Variants in ATP6V0D2 observed in about 807,000 individuals in gnomAD.
ATP6V0D2 encodes the protein V-type proton ATPase subunit d 2.
Under a neutral mutation model 40.0 loss-of-function variants are expected in ATP6V0D2, and 40 were observed. The observed-to-expected ratio is 1.00, with a 90% CI of 0.78 to 1.30. The LOEUF (loss-of-function observed/expected upper bound fraction) is 1.30, where lower values mean the gene tolerates loss of function less well. Among genes scored for constraint, ATP6V0D2 ranks in the 50% most tolerant of loss-of-function variants. ATP6V0D2 has a pLI of 0.00. For missense variants in ATP6V0D2, 470 were observed against 423.1 expected, an observed-to-expected ratio of 1.11 and a Z score of -0.97; for synonymous variants, 179 against 156.3, an observed-to-expected ratio of 1.15 and a Z score of -1.08.
At chr8:86,121,744 C>T (rs1818673673) in intron 2 of ATP6V0D2, among the ~76,000 whole-genome samples, 1 of 102,602 alleles carries the variant, frequency 9.7e-6, no homozygotes. Context: ...GTATATCTTG[C>T]AAATTCGAGG....
At chr8:86,142,982 T>C (rs1412529160) in intron 5 of ATP6V0D2, 28 bp downstream of exon 5, 1 of 1,492,716 alleles carries the variant, frequency 6.7e-7, no homozygotes, top group East Asian at 2.3e-5. Context: ...AATTTTGTTA[T>C]GCTAAATAAG....
At chr8:86,136,537 CT>C (rs2130266738) in intron 2 of ATP6V0D2, among the ~76,000 whole-genome samples, 1 of 152,226 alleles carries the variant, frequency 6.6e-6, no homozygotes, top group South Asian at 2.1e-4. Context: ...ATTTTAATAT[CT>C]TTTTGAAGAG....
chr8:86,128,290 A>G (rs909495067), intron 2 of ATP6V0D2, among the ~76,000 whole-genome samples: 11 of 152,366 alleles, frequency 7.2e-5, no homozygotes, highest in Non-Finnish European at 7.4e-5. Flanking sequence ...TGGAGGTTGC[A>G]GTGAGCCAAG....
intron 2 of ATP6V0D2, among the ~76,000 whole-genome samples, chr8:86,120,088 A>G (rs964531677): frequency 3.3e-5 from 5 of 152,284 alleles, no homozygotes; most frequent in Admixed American, 3.3e-4. Context: ...CAGTGTTTTA[A>G]AAAATAACTT....
At chr8:86,142,257 A>C (rs551922091) in intron 4 of ATP6V0D2, among the ~76,000 whole-genome samples, 8 of 152,336 alleles carry the variant, frequency 5.3e-5, no homozygotes, top group Admixed American at 3.9e-4. Flanking sequence ...CATCCTTGAG[A>C]TATAACTAAC....
rs754919411 is a variant in ATP6V0D2 at position 86,152,942 on chromosome 8, C to T, written c.1018C>T (p.Arg340Ter). 86 of 1,605,910 alleles carry T rather than the reference C, an allele frequency of 5.4e-5. 1 individual carries two copies. Among genetic ancestry groups the T allele is most frequent in the African/African-American group, 4.0e-5 (3 of 74,552 alleles). ...AGCAGAATGTATTTCACAGAGGCAT[C>T]GAACTAAAATCAACAGTTACATTCC... ...WIAECISQRH[R>*]TKINSYIPIL The change falls in exon 8 of 8, where the codon CGA (arginine) becomes TGA (stop). Residue 340 changes from arginine to a stop codon, truncating the protein, a stop_gained. Transcript: ENST00000285393. LOFTEE classifies it high-confidence loss of function.
At chr8:86,107,373 C>T (rs1275450102) in intron 1 of ATP6V0D2, among the ~76,000 whole-genome samples, 2 of 152,138 alleles carry the variant, frequency 1.3e-5, no homozygotes, top group East Asian at 3.9e-4. Flanking sequence ...GCTGGGAAAA[C>T]TCTGAAAAAC....
intron 2 of ATP6V0D2, among the ~76,000 whole-genome samples, chr8:86,128,374 C>A (rs1284462167): frequency 1.3e-5 from 2 of 151,990 alleles, no homozygotes; most frequent in Non-Finnish European, 2.9e-5. Flanking sequence ...AACAAACAAA[C>A]AAACAATAAA....
chr8:86,140,368 C>T (rs932028725), intron 3 of ATP6V0D2, among the ~76,000 whole-genome samples: 6 of 152,156 alleles, frequency 3.9e-5, no homozygotes, highest in Admixed American at 6.5e-5. Context: ...GCACCCGATA[C>T]TGAGATAGCA....
chr8:86,105,326 C>T (rs1563554848), intron 1 of ATP6V0D2, among the ~76,000 whole-genome samples: 1 of 152,106 alleles, frequency 6.6e-6, no homozygotes, highest in African/African-American at 2.4e-5. Flanking sequence ...TTAAGACGGT[C>T]TGGCTCTGAC....
At chr8:86,140,316 A>G (rs1360369054) in intron 3 of ATP6V0D2, among the ~76,000 whole-genome samples, 1 of 152,072 alleles carries the variant, frequency 6.6e-6, no homozygotes, top group East Asian at 1.9e-4. Flanking sequence ...TTTAAGATAG[A>G]TATTTTAAAA....
At chr8:86,138,265 C>T (rs538880446) in intron 2 of ATP6V0D2, among the ~76,000 whole-genome samples, 40 of 152,226 alleles carry the variant, frequency 2.6e-4, no homozygotes, top group Admixed American at 9.8e-4. Flanking sequence ...CAAGTTTCTA[C>T]TTGACTGTCA....
At chr8:86,121,063 A>C (rs1225661460) in intron 2 of ATP6V0D2, among the ~76,000 whole-genome samples, 2 of 152,148 alleles carry the variant, frequency 1.3e-5, no homozygotes, top group Non-Finnish European at 2.9e-5. Flanking sequence ...TGATTACTTG[A>C]AGGTGACTTT....
At chr8:86,147,935 T>C (rs1819093134) in intron 5 of ATP6V0D2, among the ~76,000 whole-genome samples, 1 of 152,132 alleles carries the variant, frequency 6.6e-6, no homozygotes, top group Non-Finnish European at 1.5e-5. Context: ...ATATTCATAT[T>C]CTCTCCCCAG....
At position 86,122,563 on chromosome 8, in the gene ATP6V0D2, T is replaced by C. The variant is rs1388180491; in HGVS notation, c.302+8683T>C. Among the ~76,000 whole-genome samples, 10 of 152,108 alleles carry C rather than the reference T, an allele frequency of 6.6e-5. 1 individual carries two copies. Among genetic ancestry groups the C allele is most frequent in the Admixed American group, 2.6e-4 (4 of 15,272 alleles). On this transcript the variant is annotated intron_variant, in intron 2 of 7. Coordinates refer to ENST00000285393, the MANE Select transcript of ATP6V0D2 (RefSeq NM_152565.1). ...AGATCATTTGATCACCCTATCACCATATAGTCAAAAAATGAACAACATAAC... is the reference window on the plus strand; with the variant it reads ...AGATCATTTGATCACCCTATCACCACATAGTCAAAAAATGAACAACATAAC...
intron 6 of ATP6V0D2, 32 bp from the exon 7 acceptor site, chr8:86,151,434 A>G: frequency 7.1e-7 from 1 of 1,411,098 alleles, no homozygotes; most frequent in Non-Finnish European, 9.8e-7. Flanking sequence ...AGAAATGAAA[A>G]TGTCTTTAAA....
intron 5 of ATP6V0D2, among the ~76,000 whole-genome samples, chr8:86,145,443 G>A (rs1819056806): frequency 6.6e-6 from 1 of 151,528 alleles, no homozygotes; most frequent in Non-Finnish European, 1.5e-5. Context: ...TGTTGTCCAA[G>A]CCTGAAATTC....
At chr8:86,104,215 A>AT (rs906847734) in intron 1 of ATP6V0D2, among the ~76,000 whole-genome samples, 1 of 152,076 alleles carries the variant, frequency 6.6e-6, no homozygotes, top group Non-Finnish European at 1.5e-5. Flanking sequence ...TTTAAAATTT[A>AT]TTTTTTTAAT....
chr8:86,149,691 T>C (rs893227153), intron 5 of ATP6V0D2, among the ~76,000 whole-genome samples: 1 of 152,210 alleles, frequency 6.6e-6, no homozygotes, highest in Non-Finnish European at 1.5e-5. Flanking sequence ...ATGTATGGCA[T>C]ACACTTTTTG....
Sources: allele counts gnomAD v4.1 joint callset (sites outside exome capture counted in the v4.1 genomes callset), GRCh38; gene constraint gnomAD v4.1.1; transcripts MANE v1.5; gene names NCBI Gene and HGNC (gene_info 2026-07-23, HGNC 2026-07-21).